The following CC2D2A variants were observed in gnomAD, a reference collection of about 807,000 sequenced individuals.
CC2D2A encodes coiled-coil and C2 domain-containing protein 2A.
A neutral mutation model predicts 212.9 loss-of-function variants in CC2D2A; 155 were observed. That is an observed-to-expected ratio of 0.73 (90% CI 0.64 to 0.83). The LOEUF is 0.83. Among genes scored for constraint, CC2D2A ranks in the 40% least tolerant of loss-of-function variants. The pLI is 0.00. For missense variants in CC2D2A, 1,856 were observed against 1,956.2 expected (o/e 0.95, Z 0.97); for synonymous variants, 667 against 686.5 (o/e 0.97, Z 0.44).
chr4:15,563,559 A>G (rs762330414), intron 24 of CC2D2A, 37 bp downstream of exon 24: 2 of 1,597,462 alleles, frequency 1.3e-6, no homozygotes, highest in South Asian at 2.3e-5. Flanking sequence ...TGCAGTGTGC[A>G]GCATCCCAGC....
At chr4:15,596,018 C>T (rs745907882) in intron 33 of CC2D2A, 67 bp from the exon 34 acceptor site, 3 of 1,174,958 alleles carry the variant, frequency 2.6e-6, no homozygotes, top group Non-Finnish European at 3.5e-6. Context: ...ACACATACAT[C>T]CATGCACACA....
intron 33 of CC2D2A, among the ~76,000 whole-genome samples, chr4:15,595,335 G>C (rs966024117): frequency 2.6e-5 from 4 of 152,180 alleles, no homozygotes; most frequent in African/African-American, 9.7e-5. Context: ...GGCACATAGT[G>C]AATGTCCTCA....
At chr4:15,534,638 T>C (rs1718025864) in intron 14 of CC2D2A, among the ~76,000 whole-genome samples, 1 of 152,236 alleles carries the variant, frequency 6.6e-6, no homozygotes, top group African/African-American at 2.4e-5. Flanking sequence ...TGTACCCATA[T>C]ACTGACACAA....
chr4:15,577,854 T>C (rs951090644), intron 29 of CC2D2A, among the ~76,000 whole-genome samples: 2 of 152,186 alleles, frequency 1.3e-5, no homozygotes, highest in African/African-American at 4.8e-5. Flanking sequence ...CTTATTAATG[T>C]TCCCCTGTAG....
Position 15,538,077 on chromosome 4 carries a change from C to A in CC2D2A, c.1943C>A (p.Pro648His). 6.2e-7 allele frequency: 1 copy of A among 1,606,262 alleles called. No homozygotes were observed. The highest frequency in any genetic ancestry group is 8.5e-7 in the Non-Finnish European group (1 of 1,176,432). ...CAGAGCAGGAGGAGGCCTTGGGAGC[C>A]CACGCTGGTCCCGGAGCTAAGCCTG... ...AAQSRRRPWEPTLVPELSLAG... is the reference protein window; with the variant it reads ...AAQSRRRPWEHTLVPELSLAG... The change falls in exon 16 of 37, where the codon CCC (proline) becomes CAC (histidine). Residue 648 changes from proline (P) to histidine (H), a missense_variant. By Grantham distance (77) the Pro-to-His change is moderately conservative. Transcript: ENST00000424120.
intron 5 of CC2D2A, 53 bp downstream of exon 5, chr4:15,502,570 GC>G: frequency 6.9e-7 from 1 of 1,443,172 alleles, no homozygotes; most frequent in East Asian, 2.3e-5. Context: ...ATCTTCCAGG[GC>G]TTGTCTAGCT....
chr4:15,551,108 T>C (rs1193569541), intron 18 of CC2D2A, 128 bp downstream of exon 18: 1 of 869,518 alleles, frequency 1.2e-6, no homozygotes, highest in African/African-American at 1.7e-5. Context: ...ATTCAAACAA[T>C]GATGCTATGC....
intron 30 of CC2D2A, among the ~76,000 whole-genome samples, chr4:15,582,366 C>G (rs1217306396): frequency 6.6e-6 from 1 of 151,536 alleles, no homozygotes; most frequent in Non-Finnish European, 1.5e-5. Context: ...AAAATAAGAG[C>G]AGAAATAAAC....
chr4:15,502,381 C>CT, intron 4 of CC2D2A, 48 bp from the exon 5 acceptor site: 2 of 1,427,022 alleles, frequency 1.4e-6, no homozygotes, highest in Non-Finnish European at 1.9e-6. Flanking sequence ...TTTTTCTTTT[C>CT]TTTTTCTTTT....
chr4:15,540,364 C>T (rs1031613929), intron 16 of CC2D2A, among the ~76,000 whole-genome samples: 1 of 151,982 alleles, frequency 6.6e-6, no homozygotes, highest in South Asian at 2.1e-4. Flanking sequence ...ATCCATTGAA[C>T]ATTCACTTAC....
intron 8 of CC2D2A, among the ~76,000 whole-genome samples, chr4:15,511,858 GGGT>G (rs1287772015): frequency 6.6e-6 from 1 of 152,156 alleles, no homozygotes; most frequent in Non-Finnish European, 1.5e-5. Context: ...CTGCAACTGT[GGGT>G]GGTATGTGTG....
intron 30 of CC2D2A, among the ~76,000 whole-genome samples, chr4:15,585,783 C>G (rs1720833275): frequency 6.6e-6 from 1 of 152,114 alleles, no homozygotes; most frequent in Non-Finnish European, 1.5e-5. Context: ...GTCTTGGTTC[C>G]CAAGTACTAT....
chr4:15,512,849 G>A (rs1716643811), intron 8 of CC2D2A, among the ~76,000 whole-genome samples: 1 of 151,934 alleles, frequency 6.6e-6, no homozygotes. Flanking sequence ...CTACTCAGGA[G>A]GCTGAGGCAG....
chr4:15,515,623 G>A (rs1716824473), intron 9 of CC2D2A, among the ~76,000 whole-genome samples: 1 of 152,164 alleles, frequency 6.6e-6, no homozygotes, highest in Non-Finnish European at 1.5e-5. Context: ...CTTCTTCTCA[G>A]TATGCCACAC....
At chr4:15,569,813 G>A (rs894281036) in intron 27 of CC2D2A, among the ~76,000 whole-genome samples, 3 of 152,188 alleles carry the variant, frequency 2.0e-5, no homozygotes, top group East Asian at 1.9e-4. Context: ...TCAAGATACC[G>A]GGATATCAGG....
At chr4:15,500,117 ATATATATATATATATG>A (rs1715859056) in intron 4 of CC2D2A, among the ~76,000 whole-genome samples, 1 of 145,660 alleles carries the variant, frequency 6.9e-6, no homozygotes, top group Non-Finnish European at 1.5e-5. Context: ...GTATATATAT[ATATATATATATATATG>A]TATTTTTTAA....
intron 28 of CC2D2A, among the ~76,000 whole-genome samples, chr4:15,573,539 C>T (rs1019731684): frequency 3.9e-5 from 6 of 152,236 alleles, no homozygotes; most frequent in African/African-American, 1.4e-4. Flanking sequence ...GCTCTACCTG[C>T]CTCGGCCTCC....
Position 15,601,381 on chromosome 4 carries a change from T to TGGA in CC2D2A, c.4819_4820insGGA (p.Leu1607delinsTrpMet). On this transcript the variant is annotated protein_altering_variant, in exon 37 of 37. Coordinates refer to ENST00000424120, the MANE Select transcript of CC2D2A (RefSeq NM_001378615.1). ...CATACACCCATACCCCAAAAATGTT[T>TGGA]TGTCTGTTTGGATCTATGTTGCCTC... 1 of 1,578,416 alleles carries TGGA rather than the reference T, an allele frequency of 6.3e-7. No homozygotes were observed. The highest frequency in any genetic ancestry group is 8.6e-7 in the Non-Finnish European group (1 of 1,159,162).
At position 15,599,684 on chromosome 4, in the gene CC2D2A, T is replaced by C. The variant is rs763425007; in HGVS notation, c.4652T>C (p.Leu1551Pro). The C allele has an allele frequency of 8.7e-6, 14 of 1,611,798 alleles. No homozygotes were observed. The highest frequency in any genetic ancestry group is 2.7e-5 in the African/African-American group (2 of 74,866). ...DVEDDHRAELLKQLGDYRFSG... is the reference protein window; with the variant it reads ...DVEDDHRAELPKQLGDYRFSG... Reference sequence around the variant, plus strand: ...GAAGATGACCACAGAGCAGAACTGCTAAAACAGCTGGGAGACTACAGGGTA... The same window carrying C: ...GAAGATGACCACAGAGCAGAACTGCCAAAACAGCTGGGAGACTACAGGGTA... The change falls in exon 36 of 37, where the codon CTA becomes CCA. Residue 1551 changes from leucine (L) to proline (P), a missense_variant. Physicochemically the swap from Leu to Pro is moderately conservative, Grantham distance 98. Transcript: ENST00000424120.
Sources: gnomAD v4.1 joint callset for allele counts (sites outside exome capture counted in the v4.1 genomes callset) on GRCh38, gnomAD v4.1.1 for gene constraint, MANE v1.5 for transcripts, NCBI Gene and HGNC (gene_info 2026-07-23, HGNC 2026-07-21) for gene names.